The following PCDHGB2 variants were observed in gnomAD, a reference collection of about 807,000 sequenced individuals.
PCDHGB2 encodes the protein protocadherin gamma-B2.
A neutral mutation model predicts 59.3 loss-of-function variants in PCDHGB2; 55 were observed. The observed-to-expected ratio is 0.93, with a 90% CI of 0.75 to 1.16. The LOEUF is 1.16. Among genes scored for constraint, PCDHGB2 ranks in the 50% most tolerant of loss-of-function variants. The pLI is 0.00. For synonymous variants in PCDHGB2, 516 were observed against 512.0 expected, an observed-to-expected ratio of 1.01 and a Z score of -0.11; for missense variants, 1,228 against 1,198.5, an observed-to-expected ratio of 1.02 and a Z score of -0.36.
At position 141,490,108 on chromosome 5, in the gene PCDHGB2, C is replaced by T. The variant is rs566655929; in HGVS notation, c.2422-4699C>T. 1.4e-5 allele frequency: 22 copies of T among 1,614,244 alleles called. No individual in the cohort carries two copies. Among genetic ancestry groups the T allele is most frequent in the South Asian group, 5.5e-5 (5 of 91,090 alleles). The stretch of plus-strand genomic sequence containing the variant: ...TGGAGACCACACATCTGAGGCAGTG[C>T]GGAACCTCTTTGGCCTAGACCCTAG... On this transcript the variant is annotated intron_variant, in intron 1 of 3. Coordinates refer to ENST00000522605, the MANE Select transcript of PCDHGB2 (RefSeq NM_018923.3). This position sits in a 1 kb window ranked among gnomAD's most constrained non-coding sequence, Gnocchi z 5.4.
intron 1 of PCDHGB2, among the ~76,000 whole-genome samples, chr5:141,452,253 T>G (rs2098736880): frequency 6.6e-6 from 1 of 152,166 alleles, no homozygotes; most frequent in Admixed American, 6.5e-5. Context: ...TTGCCATAAC[T>G]CTCTCATTTT....
intron 1 of PCDHGB2, among the ~76,000 whole-genome samples, chr5:141,438,587 C>CATAT (rs1372372472): frequency 2.7e-5 from 2 of 73,430 alleles, no homozygotes; most frequent in Non-Finnish European, 5.2e-5. Context: ...TACATACATA[C>CATAT]ATACATATAT....
intron 1 of PCDHGB2, chr5:141,384,354 C>A (rs1437330360): frequency 6.2e-7 from 1 of 1,613,844 alleles, no homozygotes; most frequent in Non-Finnish European, 8.5e-7. Context: ...AGGATAATGC[C>A]CAGATCACTT....
chr5:141,415,492 A>G lies in PCDHGB2; in HGVS notation c.2421+52936A>G, dbSNP rs373866182. 4 of 1,614,154 alleles carry G rather than the reference A, an allele frequency of 2.5e-6. No individual in the cohort carries two copies. The African/African-American group carries it at 4.0e-5, about 16-fold the overall frequency. On this transcript the variant is annotated intron_variant, in intron 1 of 3. Transcript: ENST00000522605. Reference sequence around the variant, plus strand: ...CGCGGACTCGCGAAAGAGTCACCTGATCTTCCCCCAGCCCAATTATGCGGA... The same window carrying G: ...CGCGGACTCGCGAAAGAGTCACCTGGTCTTCCCCCAGCCCAATTATGCGGA...
rs1589038346 is a variant in PCDHGB2, at chr5:141,387,562, C to T, written c.2421+25006C>T. The T allele has an allele frequency of 6.9e-6, 3 of 437,514 alleles. No individual in the cohort carries two copies. The Admixed American group carries it at 1.2e-4, about 17-fold the overall frequency. The allele number at this position is 437,514 out of a possible 1,614,324, so 27.1% of individuals were successfully genotyped here. A position where few individuals can be genotyped will look rare whatever the true frequency, so the allele number is the denominator to read the frequency against. ...GTTTTTGTTCTTTCAGTTAGGCACA[C>T]AATTATAATTATTGCACTGGTTAAC... On this transcript the variant is annotated intron_variant, in intron 1 of 3. Transcript: ENST00000522605.
At chr5:141,418,065 G>T in intron 1 of PCDHGB2, 1 of 1,614,064 alleles carries the variant, frequency 6.2e-7, no homozygotes, top group East Asian at 2.2e-5. Context: ...CTGCGAGTGA[G>T]CGCGGAGAAG....
chr5:141,451,682 G>GA (rs1401536376), intron 1 of PCDHGB2, among the ~76,000 whole-genome samples: 1 of 152,128 alleles, frequency 6.6e-6, no homozygotes, highest in Non-Finnish European at 1.5e-5. Flanking sequence ...AGGAGTTCAA[G>GA]ACCAGCCTGG....
chr5:141,365,891 G>C, intron 1 of PCDHGB2: 1 of 1,614,136 alleles, frequency 6.2e-7, no homozygotes, highest in Non-Finnish European at 8.5e-7. Flanking sequence ...GAGATCCTTC[G>C]ACTATGAGCA....
At chr5:141,388,639 C>T (rs2091432130) in intron 1 of PCDHGB2, 1 of 1,613,944 alleles carries the variant, frequency 6.2e-7, no homozygotes, top group Non-Finnish European at 8.5e-7. Context: ...GTGAGCCTTT[C>T]AGAAAACGTG....
chr5:141,427,658 C>A, intron 1 of PCDHGB2: 2 of 738,894 alleles, frequency 2.7e-6, no homozygotes, highest in Non-Finnish European at 4.8e-6. Context: ...ACGTGGTCCA[C>A]GTGGCCGAAA....
Position 141,506,991 on chromosome 5 carries a change from C to T in PCDHGB2, c.2569+1510C>T, listed in dbSNP as rs190455068. 3 of 152,366 alleles carry T rather than the reference C, an allele frequency of 2.0e-5. No homozygotes were observed. In the East Asian group the frequency reaches 5.8e-4, roughly 29 times the overall value. The allele number at this position is 152,366 out of a possible 1,614,324, so 9.4% of individuals were successfully genotyped here. A position where few individuals can be genotyped will look rare whatever the true frequency, so the allele number is the denominator to read the frequency against. The stretch of plus-strand genomic sequence containing the variant: ...TGCAAGGCAGGTCTGATTTCTCACA[C>T]TCGACAGATGAGAGAACCGAGAAGG... On this transcript the variant is annotated intron_variant, in intron 3 of 3. Coordinates refer to ENST00000522605, the MANE Select transcript of PCDHGB2 (RefSeq NM_018923.3).
intron 1 of PCDHGB2, among the ~76,000 whole-genome samples, chr5:141,461,768 C>T (rs532591390): frequency 1.3e-5 from 2 of 152,016 alleles, no homozygotes; most frequent in African/African-American, 4.8e-5. Context: ...ATTCTCCTGC[C>T]TCAGCCTCCC....
chr5:141,366,779 C>T, intron 1 of PCDHGB2: 2 of 1,585,730 alleles, frequency 1.3e-6, no homozygotes, highest in Non-Finnish European at 1.7e-6. Context: ...GTAAGGATGA[C>T]CAGAACATTT....
intron 1 of PCDHGB2, chr5:141,366,985 G>A (rs1378912863): frequency 2.0e-6 from 1 of 493,266 alleles, no homozygotes; most frequent in East Asian, 3.7e-5. Flanking sequence ...AAAGGAAAGT[G>A]GTTAAATATA....
chr5:141,421,309 C>T (rs781110850), intron 1 of PCDHGB2: 9 of 1,613,516 alleles, frequency 5.6e-6, no homozygotes, highest in Admixed American at 1.7e-5. Context: ...GCGGGGGTTC[C>T]GGGCCAGGCA....
chr5:141,480,240 CA>C lies in PCDHGB2; in HGVS notation c.2422-14552del, dbSNP rs11374694. 4.6e-3 allele frequency among the ~76,000 whole-genome samples: 522 copies of C among 113,846 alleles called. 1 individual carries two copies. Among genetic ancestry groups the C allele is most frequent in the Non-Finnish European group, 5.4e-3 (287 of 52,954 alleles). 74.7% of individuals were successfully genotyped at this position (113,846 alleles called of 152,430 possible). A position where few individuals can be genotyped will look rare whatever the true frequency, so the allele number is the denominator to read the frequency against. ...GCGACATAGTGAGATCCTGTCTCTACAAAAAAAAAAAAAAATGTGTTTTCAT... is the reference window on the plus strand; with the variant it reads ...GCGACATAGTGAGATCCTGTCTCTACAAAAAAAAAAAAAATGTGTTTTCAT... On this transcript the variant is annotated intron_variant, in intron 1 of 3. Coordinates refer to ENST00000522605, the MANE Select transcript of PCDHGB2 (RefSeq NM_018923.3).
chr5:141,423,238 G>C (rs765040062), intron 1 of PCDHGB2: 4 of 1,613,778 alleles, frequency 2.5e-6, no homozygotes, highest in South Asian at 2.2e-5. Context: ...CAGCATCCCC[G>C]AAGTCCTGGC....
intron 1 of PCDHGB2, among the ~76,000 whole-genome samples, chr5:141,443,905 A>G (rs963772369): frequency 6.6e-6 from 1 of 152,204 alleles, no homozygotes; most frequent in Admixed American, 6.5e-5. Context: ...TAGTAGGAAA[A>G]TTCATAAAAG....
chr5:141,430,639 A>C, intron 1 of PCDHGB2: 6 of 900,712 alleles, frequency 6.7e-6, no homozygotes, highest in Non-Finnish European at 9.7e-6. Context: ...CATCCCTGGG[A>C]GTATGTGGAA....
Sources: allele counts gnomAD v4.1 joint callset (sites outside exome capture counted in the v4.1 genomes callset), GRCh38; gene constraint gnomAD v4.1.1; non-coding constraint Gnocchi (gnomAD v3.1); transcripts MANE v1.5; gene names NCBI Gene and HGNC (gene_info 2026-07-23, HGNC 2026-07-21).